Variants in EIF3CL observed in about 807,000 individuals in gnomAD.
The protein encoded by EIF3CL is eukaryotic translation initiation factor 3 subunit C like, also known as eukaryotic translation initiation factor 3 subunit C-like protein.
For synonymous variants in EIF3CL, 2 were observed against 19.6 expected (o/e 0.10, Z 2.37); for missense variants, 5 against 56.1 (o/e 0.09, Z 2.91).
the EIF3CL span, among the ~76,000 whole-genome samples, chr16:28,417,155 C>G: frequency 1.1e-4 from 16 of 141,280 alleles, no homozygotes; most frequent in Non-Finnish European, 2.2e-4. Flanking sequence ...GGGGTCAGCC[C>G]CCCGCCCGGC....
the EIF3CL span, among the ~76,000 whole-genome samples, chr16:28,418,668 T>C: frequency 6.6e-6 from 1 of 151,704 alleles, no homozygotes; most frequent in Non-Finnish European, 1.5e-5. Flanking sequence ...TTCGCTCTTT[T>C]GCCTAGGCTG....
chr16:28,417,197 G>T, the EIF3CL span, among the ~76,000 whole-genome samples: 1 of 147,830 alleles, frequency 6.8e-6, no homozygotes, highest in Non-Finnish European at 1.5e-5. Flanking sequence ...AGGTGGGGGG[G>T]GTCAGCCCCC....
chr16:28,405,900 CAT>C (rs1334774006), upstream of EIF3CL, among the ~76,000 whole-genome samples: 54 of 61,564 alleles, frequency 8.8e-4, 1 homozygote, highest in East Asian at 0.014. Context: ...CACACACACA[CAT>C]ACACACACAC....
At chr16:28,414,492 A>G in the EIF3CL span, 1 of 253,618 alleles carries the variant, frequency 3.9e-6, no homozygotes, top group Non-Finnish European at 7.7e-6. Flanking sequence ...GTGCTGATCT[A>G]GAGGTGCAGG....
the EIF3CL span, among the ~76,000 whole-genome samples, chr16:28,411,342 CCAGT>C: frequency 8.6e-6 from 1 of 116,264 alleles, no homozygotes; most frequent in Non-Finnish European, 1.7e-5. Context: ...CGCGCCCAGC[CCAGT>C]CATTCTTTTT....
At chr16:28,423,812 ATATATTATATATATATATATATT>A in the EIF3CL span, among the ~76,000 whole-genome samples, 1 of 101,964 alleles carries the variant, frequency 9.8e-6, no homozygotes, top group Non-Finnish European at 2.1e-5. Flanking sequence ...TATATAATAT[ATATATTATATATATATATATATT>A]TTTTGAGACG....
chr16:28,425,127 C>T, the EIF3CL span, among the ~76,000 whole-genome samples: 2 of 8,388 alleles, frequency 2.4e-4, 1 homozygote, highest in African/African-American at 6.9e-4. Context: ...CTCACTGCAA[C>T]CTCTGCCTCC....
the EIF3CL span, among the ~76,000 whole-genome samples, chr16:28,415,745 G>A: frequency 3.7e-5 from 5 of 135,340 alleles, no homozygotes; most frequent in South Asian, 4.4e-4. Flanking sequence ...GCGAGACTCC[G>A]TCTCCAAAAA....
the EIF3CL span, among the ~76,000 whole-genome samples, chr16:28,422,719 C>T: frequency 7.0e-6 from 1 of 142,352 alleles, no homozygotes; most frequent in Non-Finnish European, 1.5e-5. Context: ...CACCTGTAAT[C>T]CCAGCTACTT....
the EIF3CL span, among the ~76,000 whole-genome samples, chr16:28,417,020 G>T: frequency 1.5e-5 from 1 of 67,192 alleles, no homozygotes; most frequent in African/African-American, 5.3e-5. Context: ...GGTGGGGGGG[G>T]TCAGCCCCCC....
chr16:28,414,710 C>T, the EIF3CL span: 18 of 365,882 alleles, frequency 4.9e-5, 3 homozygotes, highest in Admixed American at 1.6e-4. Flanking sequence ...CCAAGCTGCG[C>T]GTCTAGAAAG....
the EIF3CL span, chr16:28,414,401 A>G: frequency 7.7e-5 from 25 of 325,924 alleles, 1 homozygote; most frequent in Non-Finnish European, 1.4e-4. Context: ...GTCTCAAAAA[A>G]AAAAAGAAAA....
chr16:28,418,084 A>G, the EIF3CL span, among the ~76,000 whole-genome samples: 6 of 151,188 alleles, frequency 4.0e-5, no homozygotes, highest in Admixed American at 6.6e-5. Context: ...GCTATAAAAA[A>G]GAATCCCAGC....
At chr16:28,424,161 TG>T in the EIF3CL span, among the ~76,000 whole-genome samples, 2 of 139,262 alleles carry the variant, frequency 1.4e-5, no homozygotes, top group Non-Finnish European at 3.1e-5. Context: ...CTAATTTTTT[TG>T]TATTTTTAGT....
chr16:28,391,528 AAG>A (rs2045627847), intron 10 of EIF3CL, among the ~76,000 whole-genome samples: 1 of 7,158 alleles, frequency 1.4e-4, no homozygotes, highest in Non-Finnish European at 4.1e-4. Context: ...AAAAAAAAAA[AAG>A]AGGAGAACAT....
the EIF3CL span, among the ~76,000 whole-genome samples, chr16:28,416,904 C>T: frequency 1.1e-5 from 1 of 94,498 alleles, no homozygotes; most frequent in Non-Finnish European, 2.3e-5. Context: ...AGCCCCCCCG[C>T]CCGGCCAGCC....
At chr16:28,417,143 G>T in the EIF3CL span, among the ~76,000 whole-genome samples, 1 of 134,840 alleles carries the variant, frequency 7.4e-6, no homozygotes, top group Non-Finnish European at 1.6e-5. Flanking sequence ...GAGGGAGGTT[G>T]GGGGGTCAGC....
At chr16:28,417,435 A>G in the EIF3CL span, among the ~76,000 whole-genome samples, 1 of 129,840 alleles carries the variant, frequency 7.7e-6, no homozygotes, top group African/African-American at 2.9e-5. Context: ...TGTAGAAAGA[A>G]GTAGACATGG....
chr16:28,416,666 G>A, the EIF3CL span, among the ~76,000 whole-genome samples: 2 of 107,196 alleles, frequency 1.9e-5, no homozygotes, highest in African/African-American at 6.7e-5. Context: ...CCCCGTCTGA[G>A]AAGTGAGGAG....
Sources: allele counts gnomAD v4.1 joint callset (sites outside exome capture counted in the v4.1 genomes callset), GRCh38; gene constraint gnomAD v4.1.1; transcripts MANE v1.5; gene names NCBI Gene and HGNC (gene_info 2026-07-23, HGNC 2026-07-21).